GMDS: variants seen among roughly 807,000 people sequenced by gnomAD.
GMDS encodes the protein GDP-mannose 4,6 dehydratase.
Under a neutral mutation model 49.9 loss-of-function variants are expected in GMDS, and 20 were observed. That is an observed-to-expected ratio of 0.40 (90% CI 0.28 to 0.58). The LOEUF is 0.58. Among genes scored for constraint, GMDS ranks in the 20% least tolerant of loss-of-function variants. The pLI is 0.42. For missense variants in GMDS, 362 were observed against 481.4 expected, an observed-to-expected ratio of 0.75 and a Z score of 2.32; for synonymous variants, 177 against 178.6, an observed-to-expected ratio of 0.99 and a Z score of 0.07.
At chr6:1,718,576 C>T (rs749467698) in intron 9 of GMDS, among the ~76,000 whole-genome samples, 5 of 152,172 alleles carry the variant, frequency 3.3e-5, no homozygotes, top group Admixed American at 6.5e-5. Context: ...ACCCACCCCA[C>T]CCCGGGCTGT....
intron 9 of GMDS, among the ~76,000 whole-genome samples, chr6:1,657,446 G>A (rs1263006699): frequency 3.3e-5 from 5 of 152,298 alleles, no homozygotes; most frequent in South Asian, 2.1e-4. Context: ...AAAACCAGAT[G>A]AGCCAGCAGA....
chr6:2,245,208 G>T, intron 1 of GMDS, 113 bp downstream of exon 1: 1 of 735,968 alleles, frequency 1.4e-6, no homozygotes, highest in Non-Finnish European at 2.3e-6. Flanking sequence ...GACCCCTTCC[G>T]GGACGCCGAG....
At chr6:2,138,898 C>T (rs1776142825) in intron 1 of GMDS, among the ~76,000 whole-genome samples, 1 of 151,970 alleles carries the variant, frequency 6.6e-6, no homozygotes, top group Non-Finnish European at 1.5e-5. Context: ...TCATGAAGTC[C>T]CTAGTCTCTT....
intron 1 of GMDS, among the ~76,000 whole-genome samples, chr6:2,173,728 TG>T (rs1370167843): frequency 6.6e-6 from 1 of 152,238 alleles, no homozygotes; most frequent in African/African-American, 2.4e-5. Flanking sequence ...CCCAGGCTTC[TG>T]AATTACTGCA....
chr6:2,030,596 A>G (rs1244008396), intron 4 of GMDS, among the ~76,000 whole-genome samples: 1 of 152,162 alleles, frequency 6.6e-6, no homozygotes, highest in Admixed American at 6.5e-5. Context: ...ACCTCTGGGG[A>G]TGAATGACAT....
chr6:1,693,943 TAGAG>T (rs991577030), intron 9 of GMDS, among the ~76,000 whole-genome samples: 5 of 152,174 alleles, frequency 3.3e-5, no homozygotes, highest in Non-Finnish European at 5.9e-5. Context: ...AACTGGAACT[TAGAG>T]AGTCAAATAA....
At chr6:2,211,034 T>C (rs1259315898) in intron 1 of GMDS, among the ~76,000 whole-genome samples, 2 of 152,184 alleles carry the variant, frequency 1.3e-5, no homozygotes, top group East Asian at 1.9e-4. Context: ...CCTTCCACCA[T>C]GATTGCAAGT....
At position 2,055,529 on chromosome 6, in the gene GMDS, A is replaced by G. The variant is rs530912285; in HGVS notation, c.345+60242T>C. On this transcript the variant is annotated intron_variant, in intron 4 of 10. Coordinates refer to ENST00000380815, the MANE Select transcript of GMDS (RefSeq NM_001500.4). ...GCTTCTGGTATTTGTACAGTCCAGA[A>G]TCTTGCCCTAAGGATGTCAAATTAC... Among the ~76,000 whole-genome samples the G allele has an allele frequency of 2.0e-5, 3 of 152,244 alleles. No individual in the cohort carries two copies. The East Asian group carries it at 5.8e-4, about 29-fold the overall frequency.
intron 7 of GMDS, among the ~76,000 whole-genome samples, chr6:1,819,706 A>G (rs1232267604): frequency 1.3e-5 from 2 of 149,298 alleles, no homozygotes; most frequent in East Asian, 4.0e-4. Flanking sequence ...AGTTGCAGTG[A>G]GCTGAGATCA....
chr6:2,003,663 A>G (rs897534273), intron 4 of GMDS, among the ~76,000 whole-genome samples: 1 of 152,198 alleles, frequency 6.6e-6, no homozygotes, highest in Admixed American at 6.5e-5. Flanking sequence ...AAGCAGTTAA[A>G]TTGGAGTACA....
intron 1 of GMDS, among the ~76,000 whole-genome samples, chr6:2,172,201 T>C (rs777825387): frequency 6.7e-4 from 102 of 152,196 alleles, no homozygotes; most frequent in Non-Finnish European, 1.3e-3. Context: ...GTCTCTCAGA[T>C]TGAGGAGAAA....
At chr6:1,639,284 T>C (rs565522336) in intron 9 of GMDS, among the ~76,000 whole-genome samples, 21 of 152,238 alleles carry the variant, frequency 1.4e-4, no homozygotes, top group Admixed American at 1.2e-3. Context: ...AGTGGAAGGA[T>C]TAAGCTACCT....
intron 1 of GMDS, among the ~76,000 whole-genome samples, chr6:2,181,174 C>CAAAA (rs755377915): frequency 2.7e-4 from 14 of 51,184 alleles, no homozygotes; most frequent in Admixed American, 3.8e-4. Flanking sequence ...GACTCCATCT[C>CAAAA]AAAAAAAAAA....
rs1022559451 is a variant in GMDS at position 1,766,835 on chromosome 6, G to C, written c.772-24249C>G. Among the ~76,000 whole-genome samples the C allele has an allele frequency of 2.0e-5, 3 of 152,318 alleles. No individual in the cohort carries two copies. Among genetic ancestry groups the C allele is most frequent in the African/African-American group, 7.2e-5 (3 of 41,578 alleles). On this transcript the variant is annotated intron_variant, in intron 7 of 10. Coordinates refer to ENST00000380815, the MANE Select transcript of GMDS (RefSeq NM_001500.4). The surrounding 1 kb of genome is among the most constrained non-coding windows in gnomAD (Gnocchi z 4.5). ...TAGCTGTGGGCTGAAACACTGACTG[G>C]ACTAAACAAAGCCTGGCAATGGGCC...
chr6:1,999,258 G>A (rs1766499849), intron 4 of GMDS, among the ~76,000 whole-genome samples: 1 of 150,330 alleles, frequency 6.7e-6, no homozygotes, highest in African/African-American at 2.5e-5. Flanking sequence ...GGAGTTGGAG[G>A]CTGCAGTGAG....
rs535057744 is a variant in GMDS, at chr6:1,835,446, G to T, written c.772-92860C>A. On this transcript the variant is annotated intron_variant, in intron 7 of 10. Coordinates refer to ENST00000380815, the MANE Select transcript of GMDS (RefSeq NM_001500.4). The stretch of plus-strand genomic sequence containing the variant: ...GTAGGGAGTTGTTATAACAAATTTG[G>T]TGAATTCTTATTCTGCTTTTACAGA... 4.6e-5 allele frequency among the ~76,000 whole-genome samples: 7 copies of T among 152,266 alleles called. No homozygotes were observed. In the South Asian group the frequency reaches 1.2e-3, roughly 27 times the overall value.
chr6:2,157,897 C>CAGAT (rs1211774983), intron 1 of GMDS, among the ~76,000 whole-genome samples: 95 of 152,238 alleles, frequency 6.2e-4, no homozygotes, highest in African/African-American at 2.2e-3. Flanking sequence ...AGAACAAATA[C>CAGAT]AGATGGTCTA....
chr6:2,232,338 G>A (rs12207377), intron 1 of GMDS, among the ~76,000 whole-genome samples: 5 of 152,102 alleles, frequency 3.3e-5, no homozygotes, highest in Admixed American at 1.3e-4. Context: ...ACCCCAAAAG[G>A]GGGTACAACA....
chr6:1,961,158 T>C (rs570323433), intron 4 of GMDS, among the ~76,000 whole-genome samples, 192 bp from the exon 5 acceptor site: 1 of 152,362 alleles, frequency 6.6e-6, no homozygotes, highest in Non-Finnish European at 1.5e-5. Context: ...TTAATTCCTA[T>C]TAATTACCTA....
Sources: gnomAD v4.1 joint callset for allele counts (sites outside exome capture counted in the v4.1 genomes callset) on GRCh38, gnomAD v4.1.1 for gene constraint, Gnocchi (gnomAD v3.1) non-coding constraint, MANE v1.5 for transcripts, NCBI Gene and HGNC (gene_info 2026-07-23, HGNC 2026-07-21) for gene names.